Variants in CADM2 observed in about 807,000 individuals in gnomAD.
CADM2 encodes immunoglobulin superfamily member 4D.
In CADM2, 12 loss-of-function variants were observed where a neutral mutation model predicts 49.8. The observed-to-expected ratio is 0.24, with a 90% CI of 0.15 to 0.39. The LOEUF is 0.39. Among genes scored for constraint, CADM2 ranks in the 10% least tolerant of loss-of-function variants. CADM2 has a pLI of 1.00. For missense variants in CADM2, 378 were observed against 492.3 expected (o/e 0.77, Z 2.20); for synonymous variants, 214 against 175.4 (o/e 1.22, Z -1.74).
rs565681495 is a variant in CADM2 at position 85,216,515 on chromosome 3, A to T, written c.61+256847A>T. Among the ~76,000 whole-genome samples, 5 of 151,962 alleles carry T rather than the reference A, an allele frequency of 3.3e-5. No homozygotes were observed. The East Asian group carries it at 7.7e-4, about 23-fold the overall frequency. ...ATCATATTCTTTGCTGCAAATTAAAAAAATTACAGAAGACATGCCCAGAAA... is the reference window on the plus strand; with the variant it reads ...ATCATATTCTTTGCTGCAAATTAAATAAATTACAGAAGACATGCCCAGAAA... On this transcript the variant is annotated intron_variant, in intron 1 of 9. Transcript: ENST00000383699.
chr3:85,386,599 GTGTTGTGGGCAGAGTACTTAAACCT>G (rs2034246760), intron 1 of CADM2, among the ~76,000 whole-genome samples: 1 of 152,186 alleles, frequency 6.6e-6, no homozygotes, highest in African/African-American at 2.4e-5. Context: ...GACAGTGTGC[GTGTTGTGGGCAGAGTACTTAAACCT>G]TGTTGTGGGT....
intron 3 of CADM2, among the ~76,000 whole-genome samples, chr3:85,816,549 A>C (rs934655108): frequency 6.6e-6 from 1 of 152,184 alleles, no homozygotes; most frequent in Non-Finnish European, 1.5e-5. Flanking sequence ...CTTTTAATAG[A>C]ATAGATACTT....
intron 1 of CADM2, among the ~76,000 whole-genome samples, chr3:85,367,798 CAA>C (rs1217698502): frequency 6.8e-6 from 1 of 147,990 alleles, no homozygotes; most frequent in Non-Finnish European, 1.5e-5. Flanking sequence ...ATCATGTGTT[CAA>C]AGTTTCTAGT....
intron 1 of CADM2, among the ~76,000 whole-genome samples, chr3:85,464,816 T>C (rs1173685464): frequency 2.0e-5 from 3 of 152,208 alleles, no homozygotes; most frequent in African/African-American, 7.2e-5. Flanking sequence ...TACAGTAATA[T>C]TCTCTGTACT....
chr3:85,182,398 A>G (rs537447893), intron 1 of CADM2, among the ~76,000 whole-genome samples: 1 of 152,208 alleles, frequency 6.6e-6, no homozygotes, highest in African/African-American at 2.4e-5. Context: ...TAATATAATG[A>G]GATATGCTAT....
chr3:85,222,198 A>G lies in CADM2; in HGVS notation c.61+262530A>G, dbSNP rs554400959. Among the ~76,000 whole-genome samples, 10 of 152,250 alleles carry G rather than the reference A, an allele frequency of 6.6e-5. No individual in the cohort carries two copies. In the South Asian group the frequency reaches 1.9e-3, roughly 28 times the overall value. On this transcript the variant is annotated intron_variant, in intron 1 of 9. Transcript: ENST00000383699. ...ACCAGCGTGAGAATACGTCTGTCGTATATCTGATTACAGGAACTATTAATA... is the reference window on the plus strand; with the variant it reads ...ACCAGCGTGAGAATACGTCTGTCGTGTATCTGATTACAGGAACTATTAATA...
chr3:85,153,454 G>A (rs990111721), intron 1 of CADM2, among the ~76,000 whole-genome samples: 3 of 152,212 alleles, frequency 2.0e-5, no homozygotes, highest in Non-Finnish European at 2.9e-5. Context: ...GAGTCTCACT[G>A]ATTGCTAGCA....
chr3:85,212,817 T>TCTTC (rs2041812464), intron 1 of CADM2, among the ~76,000 whole-genome samples: 2 of 47,788 alleles, frequency 4.2e-5, no homozygotes, highest in Admixed American at 2.3e-4. Flanking sequence ...TTCTTCTCTT[T>TCTTC]CTTTCTTTCT....
intron 1 of CADM2, among the ~76,000 whole-genome samples, chr3:85,490,905 TAAG>T (rs896837086): frequency 6.6e-5 from 10 of 151,782 alleles, no homozygotes; most frequent in South Asian, 6.2e-4. Flanking sequence ...GAATAAAAAA[TAAG>T]AAGAAGAAAA....
chr3:85,578,833 C>T (rs763137030), intron 1 of CADM2, among the ~76,000 whole-genome samples: 2 of 151,792 alleles, frequency 1.3e-5, no homozygotes, highest in Non-Finnish European at 2.9e-5. Context: ...AACTTTATAC[C>T]CTCCCATCTG....
chr3:85,687,877 C>T (rs988205737), intron 1 of CADM2, among the ~76,000 whole-genome samples: 5 of 152,176 alleles, frequency 3.3e-5, no homozygotes, highest in African/African-American at 9.7e-5. Flanking sequence ...GGTGAGCGGG[C>T]GAGCGAGCAT....
At chr3:85,823,614 A>G (rs1366259841) in intron 3 of CADM2, among the ~76,000 whole-genome samples, 1 of 152,204 alleles carries the variant, frequency 6.6e-6, no homozygotes, top group East Asian at 1.9e-4. Flanking sequence ...GTTGTTGTTA[A>G]GATTATCCAT....
At chr3:85,776,321 A>G (rs900809416) in intron 2 of CADM2, among the ~76,000 whole-genome samples, 1 of 146,222 alleles carries the variant, frequency 6.8e-6, no homozygotes, top group Admixed American at 7.0e-5. Context: ...GGAAAATATG[A>G]CACACAAACT....
rs369862090 is a variant in CADM2 at position 85,924,950 on chromosome 3, A to G, written c.701-10817A>G. ...TACTCTTTTTCAGACAATGCATTCTATGCTTTACATTATTTCTAGATGCCT... is the reference window on the plus strand; with the variant it reads ...TACTCTTTTTCAGACAATGCATTCTGTGCTTTACATTATTTCTAGATGCCT... On this transcript the variant is annotated intron_variant, in intron 6 of 9. Transcript: ENST00000383699. 3.9e-5 allele frequency among the ~76,000 whole-genome samples: 6 copies of G among 152,192 alleles called. No homozygotes were observed. The East Asian group carries it at 9.6e-4, about 24-fold the overall frequency.
intron 1 of CADM2, among the ~76,000 whole-genome samples, chr3:85,664,450 G>T (rs1283202489): frequency 2.0e-5 from 3 of 151,918 alleles, no homozygotes. Context: ...AAACTTGGAA[G>T]CATTCTTTAC....
chr3:85,014,233 G>A (rs2034145152), intron 1 of CADM2, among the ~76,000 whole-genome samples: 1 of 149,626 alleles, frequency 6.7e-6, no homozygotes, highest in Admixed American at 6.7e-5. Flanking sequence ...TATACGCAGT[G>A]TAATAATATT....
intron 1 of CADM2, among the ~76,000 whole-genome samples, chr3:85,046,939 C>T (rs2107387807): frequency 6.6e-6 from 1 of 151,678 alleles, no homozygotes; most frequent in Middle Eastern, 3.4e-3. Context: ...CCAGAAATAT[C>T]TTACCAAATT....
chr3:85,348,136 T>A (rs984078263), intron 1 of CADM2, among the ~76,000 whole-genome samples: 5 of 152,168 alleles, frequency 3.3e-5, no homozygotes, highest in Non-Finnish European at 7.4e-5. Flanking sequence ...CCTCCCAGTG[T>A]ATCATGTTGT....
chr3:85,711,324 C>T (rs35924771), intron 1 of CADM2, among the ~76,000 whole-genome samples: 2 of 152,020 alleles, frequency 1.3e-5, no homozygotes, highest in Non-Finnish European at 2.9e-5. Context: ...TAGAGAAAAT[C>T]GCTTTTGTCC....
Sources: allele counts gnomAD v4.1 joint callset (sites outside exome capture counted in the v4.1 genomes callset), GRCh38; gene constraint gnomAD v4.1.1; transcripts MANE v1.5; gene names NCBI Gene and HGNC (gene_info 2026-07-23, HGNC 2026-07-21).